Variants in FCHSD2 observed in about 807,000 individuals in gnomAD.
FCHSD2 encodes the protein F-BAR and double SH3 domains protein 2.
Under a neutral mutation model 108.1 loss-of-function variants are expected in FCHSD2, and 38 were observed. The ratio of observed to expected loss-of-function variants is 0.35; its 90% CI spans 0.27 to 0.46. FCHSD2 has a LOEUF of 0.46. Ranked by LOEUF, FCHSD2 falls within the 20% of genes least tolerant of loss-of-function variation. The probability of loss-of-function intolerance (pLI) is 1.00; values close to 1 mark genes in which losing one functional copy is unlikely to be tolerated. For synonymous variants in FCHSD2, 279 were observed against 314.7 expected (o/e 0.89, Z 1.20); for missense variants, 751 against 897.8 (o/e 0.84, Z 2.09).
chr11:72,976,849 A>G (rs1167468733), intron 8 of FCHSD2, among the ~76,000 whole-genome samples: 1 of 152,190 alleles, frequency 6.6e-6, no homozygotes, highest in Non-Finnish European at 1.5e-5. Flanking sequence ...GAATGAAACT[A>G]GACCCCTATC....
chr11:72,851,969 T>C (rs554855887), intron 13 of FCHSD2, among the ~76,000 whole-genome samples: 1 of 144,046 alleles, frequency 6.9e-6, no homozygotes, highest in African/African-American at 2.5e-5. Flanking sequence ...GTCAACCTCC[T>C]GGGCTCAAGC....
At position 73,139,587 on chromosome 11, in the gene FCHSD2, A is replaced by C. The variant is rs1861199917; in HGVS notation, c.119+444T>G. Among the ~76,000 whole-genome samples the C allele has an allele frequency of 5.3e-5, 8 of 152,206 alleles. No homozygotes were observed. In the South Asian group the frequency reaches 1.7e-3, roughly 31 times the overall value. On this transcript the variant is annotated intron_variant, in intron 2 of 19. Coordinates refer to ENST00000409418, the MANE Select transcript of FCHSD2 (RefSeq NM_014824.3). ...CTCACTAAATTTGGCACTCAAAAAC[A>C]AAGTTGTATTTGTCATGTTCTAACC...
At chr11:72,946,188 C>T (rs1177367526) in intron 8 of FCHSD2, among the ~76,000 whole-genome samples, 1 of 152,038 alleles carries the variant, frequency 6.6e-6, no homozygotes, top group Non-Finnish European at 1.5e-5. Context: ...AAATGTGGCA[C>T]ATATACACCA....
intron 2 of FCHSD2, among the ~76,000 whole-genome samples, chr11:73,105,913 G>C (rs1860331092): frequency 6.6e-6 from 1 of 152,132 alleles, no homozygotes; most frequent in Non-Finnish European, 1.5e-5. Context: ...AAAGTATCTG[G>C]TAAATAAGAT....
At chr11:72,921,123 G>A (rs962188272) in intron 9 of FCHSD2, among the ~76,000 whole-genome samples, 2 of 151,890 alleles carry the variant, frequency 1.3e-5, no homozygotes, top group African/African-American at 2.4e-5. Context: ...TATGAAATGC[G>A]TATTTTTAAA....
chr11:73,041,765 TTTTGTGTTTTGG>T (rs757934851), intron 3 of FCHSD2, among the ~76,000 whole-genome samples: 7 of 152,110 alleles, frequency 4.6e-5, no homozygotes, highest in Admixed American at 1.3e-4. Context: ...TATTTTTCAA[TTTTGTGTTTTGG>T]TTTGTTCACA....
intron 9 of FCHSD2, among the ~76,000 whole-genome samples, chr11:72,912,352 AG>A (rs1173316116): frequency 3.3e-5 from 5 of 152,162 alleles, no homozygotes; most frequent in African/African-American, 1.2e-4. Context: ...TTTTATCATA[AG>A]GGGAGGTTAA....
At chr11:72,909,165 T>G (rs572094376) in intron 9 of FCHSD2, among the ~76,000 whole-genome samples, 1 of 152,048 alleles carries the variant, frequency 6.6e-6, no homozygotes, top group South Asian at 2.1e-4. Context: ...GCCTGCTGAG[T>G]GTCTGGGATT....
intron 3 of FCHSD2, among the ~76,000 whole-genome samples, chr11:73,046,145 G>A (rs1858760353): frequency 6.6e-6 from 1 of 151,896 alleles, no homozygotes; most frequent in Non-Finnish European, 1.5e-5. Flanking sequence ...CACACACCAT[G>A]ATGCCATGCT....
At chr11:72,922,808 C>A (rs573201152) in intron 8 of FCHSD2, among the ~76,000 whole-genome samples, 30 of 152,194 alleles carry the variant, frequency 2.0e-4, no homozygotes, top group Non-Finnish European at 3.8e-4. Flanking sequence ...ATATAAGTCA[C>A]CATTTTAATA....
At chr11:72,842,192 T>C (rs964962273) in intron 17 of FCHSD2, among the ~76,000 whole-genome samples, 1 of 152,186 alleles carries the variant, frequency 6.6e-6, no homozygotes, top group Non-Finnish European at 1.5e-5. Flanking sequence ...GGCAGGCTCA[T>C]TAATTCTCTG....
At chr11:72,878,933 C>T (rs372620576) in intron 12 of FCHSD2, among the ~76,000 whole-genome samples, 2 of 151,722 alleles carry the variant, frequency 1.3e-5, no homozygotes, top group East Asian at 3.9e-4. Context: ...ATGGTGAAAC[C>T]CCGTCTCTAC....
rs1304142115 is a variant in FCHSD2, at chr11:73,059,892, G to A, written c.165+23803C>T. Among the ~76,000 whole-genome samples the A allele has an allele frequency of 3.3e-5, 5 of 152,104 alleles. No individual in the cohort carries two copies. The East Asian group carries it at 9.6e-4, about 29-fold the overall frequency. The stretch of plus-strand genomic sequence containing the variant: ...AGAAGACTTGATAAATTAACCATTT[G>A]TTGTACCAAAACTTTGCTTATATCT... On this transcript the variant is annotated intron_variant, in intron 3 of 19. Transcript: ENST00000409418.
At chr11:73,098,252 T>A (rs752026716) in intron 2 of FCHSD2, among the ~76,000 whole-genome samples, 1 of 152,208 alleles carries the variant, frequency 6.6e-6, no homozygotes, top group Admixed American at 6.5e-5. Context: ...ATTGTATATT[T>A]TTGTTCTCAT....
In FCHSD2 at chr11:72,902,564, G is replaced by C; in HGVS notation, c.903C>G (p.Phe301Leu). Residue 301 changes from phenylalanine (F) to leucine (L), a missense_variant, in exon 10 of 20, where the codon TTC (phenylalanine) becomes TTG (leucine). By Grantham distance (22) the Phe-to-Leu change is conservative. Coordinates refer to ENST00000409418, the MANE Select transcript of FCHSD2 (RefSeq NM_014824.3). ...TTACAGTATCACTGTCACAAGGCTG[G>C]AACTGGAAGGGCTGGGGTTTGTGAA... ...AVFHKPQPFQ[F>L]QPCDSDTSRQ... The C allele has an allele frequency of 3.2e-6, 5 of 1,585,206 alleles. No homozygotes were observed. The highest frequency in any genetic ancestry group is 4.3e-6 in the Non-Finnish European group (5 of 1,164,486).
intron 6 of FCHSD2, among the ~76,000 whole-genome samples, chr11:72,985,523 C>T (rs1350713540): frequency 6.6e-6 from 1 of 152,196 alleles, no homozygotes; most frequent in African/African-American, 2.4e-5. Context: ...CCTATGGAGG[C>T]AAGCGTCAGC....
intron 9 of FCHSD2, among the ~76,000 whole-genome samples, chr11:72,913,756 C>T (rs1855811182): frequency 6.8e-6 from 1 of 147,732 alleles, no homozygotes; most frequent in African/African-American, 2.5e-5. Flanking sequence ...TTTCAACAGT[C>T]AAGCCGAGAG....
chr11:73,119,128 C>T (rs1860672588), intron 2 of FCHSD2, among the ~76,000 whole-genome samples: 1 of 152,002 alleles, frequency 6.6e-6, no homozygotes, highest in African/African-American at 2.4e-5. Flanking sequence ...ATGATGAGAT[C>T]CTGTCTCTAC....
In FCHSD2 at chr11:73,141,940, G is replaced by A; in HGVS notation, c.-63C>T. 1.3e-6 allele frequency: 2 copies of A among 1,486,826 alleles called. No individual in the cohort carries two copies. The highest frequency in any genetic ancestry group is 9.1e-7 in the Non-Finnish European group (1 of 1,103,890). The allele number at this position is 1,486,826 out of a possible 1,614,324, so 92.1% of individuals were successfully genotyped here. ...TTAGCAAGGACCAGGAGGAGGAGGA[G>A]GGCCGGAGAGGAGGGGACGGCCCAG... On this transcript the variant is annotated 5_prime_UTR_variant, in exon 1 of 20. Coordinates refer to ENST00000409418, the MANE Select transcript of FCHSD2 (RefSeq NM_014824.3).
Sources: gnomAD v4.1 joint callset for allele counts (sites outside exome capture counted in the v4.1 genomes callset) on GRCh38, gnomAD v4.1.1 for gene constraint, MANE v1.5 for transcripts, NCBI Gene and HGNC (gene_info 2026-07-23, HGNC 2026-07-21) for gene names.